SH3BP4: variants seen among roughly 807,000 people sequenced by gnomAD.
SH3BP4 encodes the protein SH3 domain-binding protein 4.
Under a neutral mutation model 65.5 loss-of-function variants are expected in SH3BP4, and 33 were observed. That is an observed-to-expected ratio of 0.50 (90% CI 0.38 to 0.67). The LOEUF (loss-of-function observed/expected upper bound fraction) is 0.67. Ranked by LOEUF, SH3BP4 falls within the 30% of genes least tolerant of loss-of-function variation. SH3BP4 has a pLI of 0.00. For synonymous variants in SH3BP4, 552 were observed against 545.5 expected (o/e 1.01, Z -0.17); for missense variants, 1,134 against 1,261.4 (o/e 0.90, Z 1.53).
intron 2 of SH3BP4, among the ~76,000 whole-genome samples, chr2:235,012,009 T>TA (rs1231683713): frequency 6.6e-6 from 1 of 152,230 alleles, no homozygotes; most frequent in Non-Finnish European, 1.5e-5. Flanking sequence ...AATAAGCTGT[T>TA]ACAATAAAGT....
In SH3BP4 at chr2:234,978,731, G is replaced by A. The variant is rs1693252863; in HGVS notation, c.-206-16572G>A. ...ACAGAGACAAGCACCCCAACAGTAGGGTGCTTCGAGGTCCTGGAGGGGAGC... is the reference window on the plus strand; with the variant it reads ...ACAGAGACAAGCACCCCAACAGTAGAGTGCTTCGAGGTCCTGGAGGGGAGC... On this transcript the variant is annotated intron_variant, in intron 1 of 5. Coordinates refer to ENST00000392011, the MANE Select transcript of SH3BP4 (RefSeq NM_014521.3). The surrounding 1 kb of genome is among the most constrained non-coding windows in gnomAD (Gnocchi z 4.1). 1 of 152,202 alleles carries A rather than the reference G, an allele frequency of 6.6e-6. No homozygotes were observed. Among genetic ancestry groups the A allele is most frequent in the African/African-American group, 2.4e-5 (1 of 41,438 alleles). The allele number at this position is 152,202 out of a possible 1,614,324, so 9.4% of individuals were successfully genotyped here.
rs559669332 is a variant in SH3BP4 at position 235,044,592 on chromosome 2, G to A, written c.2478+1345G>A. On this transcript the variant is annotated intron_variant, in intron 4 of 5. Transcript: ENST00000392011. The stretch of plus-strand genomic sequence containing the variant: ...CGCTCTTCCTCGTTCCTCTGAGCCC[G>A]CAGGCTTTCTTGCATCCTAGCTTCT... Among the ~76,000 whole-genome samples, 18 of 152,356 alleles carry A rather than the reference G, an allele frequency of 1.2e-4. No homozygotes were observed. The East Asian group carries it at 1.4e-3, about 11-fold the overall frequency.
intron 1 of SH3BP4, among the ~76,000 whole-genome samples, chr2:234,984,458 T>C (rs1322669086): frequency 6.6e-6 from 1 of 152,106 alleles, no homozygotes; most frequent in African/African-American, 2.4e-5. Context: ...ATCCCCCTGC[T>C]TTGGCTGTCC....
chr2:234,999,618 C>T (rs1022078259), intron 2 of SH3BP4, among the ~76,000 whole-genome samples: 6 of 152,196 alleles, frequency 3.9e-5, no homozygotes, highest in Non-Finnish European at 7.3e-5. Context: ...TAGCATGTTA[C>T]ATAAATCAAT....
intron 1 of SH3BP4, among the ~76,000 whole-genome samples, chr2:234,980,174 A>T (rs1693327648): frequency 1.3e-5 from 2 of 152,110 alleles, no homozygotes; most frequent in Admixed American, 6.6e-5. Flanking sequence ...TCCCCCCCTT[A>T]TCTGCAGGGG....
In SH3BP4 at chr2:235,026,017, C is replaced by A. The variant is rs1021644831; in HGVS notation, c.-132-8854C>A. The stretch of plus-strand genomic sequence containing the variant: ...GAATGTCTCCCACAGACTGTGGGGG[C>A]CTCTGAAGAGTCTGAAGTAATGGTT... On this transcript the variant is annotated intron_variant, in intron 2 of 5. Coordinates refer to ENST00000392011, the MANE Select transcript of SH3BP4 (RefSeq NM_014521.3). The surrounding 1 kb of genome is among the most constrained non-coding windows in gnomAD (Gnocchi z 4.6). 3.9e-5 allele frequency among the ~76,000 whole-genome samples: 6 copies of A among 152,136 alleles called. No individual in the cohort carries two copies. The highest frequency in any genetic ancestry group is 1.4e-4 in the African/African-American group (6 of 41,416).
chr2:235,019,503 C>G (rs1442707318), intron 2 of SH3BP4, among the ~76,000 whole-genome samples: 1 of 146,264 alleles, frequency 6.8e-6, no homozygotes, highest in Non-Finnish European at 1.5e-5. Context: ...ATGGCGCGAT[C>G]TCAGCTCACT....
chr2:235,029,358 T>C lies in SH3BP4; in HGVS notation c.-132-5513T>C, dbSNP rs990165933. On this transcript the variant is annotated intron_variant, in intron 2 of 5. Transcript: ENST00000392011. ...GGCTTTGGATCCAGGAAATTCAAGA[T>C]GCACCTTAGGTACTGAAGGGAGCGC... Among the ~76,000 whole-genome samples the C allele has an allele frequency of 6.6e-5, 10 of 152,294 alleles. 1 individual carries two copies. Among genetic ancestry groups the C allele is most frequent in the South Asian group, 4.2e-4 (2 of 4,816 alleles).
Position 234,976,575 on chromosome 2 carries a change from TA to T in SH3BP4, c.-206-18727del, listed in dbSNP as rs1328967308. 1.3e-5 allele frequency among the ~76,000 whole-genome samples: 2 copies of T among 152,008 alleles called. No individual in the cohort carries two copies. The highest frequency in any genetic ancestry group is 6.6e-5 in the Admixed American group (1 of 15,254). ...GTTTACCCGCCTCTGGTAGCGGACATAGGGGCATCTCTGAGCAGAGCAAGCA... is the reference window on the plus strand; with the variant it reads ...GTTTACCCGCCTCTGGTAGCGGACATGGGGCATCTCTGAGCAGAGCAAGCA... On this transcript the variant is annotated intron_variant, in intron 1 of 5. Coordinates refer to ENST00000392011, the MANE Select transcript of SH3BP4 (RefSeq NM_014521.3). This position sits in a 1 kb window ranked among gnomAD's most constrained non-coding sequence, Gnocchi z 4.7.
intron 1 of SH3BP4, among the ~76,000 whole-genome samples, chr2:234,961,017 C>T (rs1236854949): frequency 2.0e-5 from 3 of 152,142 alleles, no homozygotes; most frequent in Admixed American, 6.5e-5. Flanking sequence ...TGGTTCATTG[C>T]GGGGACATCA....
rs1695727016 is a variant in SH3BP4, at chr2:235,043,028, C to T, written c.2259C>T (p.Tyr753=). The change falls in exon 4 of 6, where the codon TAC becomes TAT. Residue 753 remains tyrosine, a synonymous_variant. Transcript: ENST00000392011. ...QILRPCKFLT[Y]IYASVRTLLM... ...TGCGGCCCTGCAAATTCCTCACGTA[C>T]ATCTATGCCTCCGTGAGGACCCTGC... is the stretch of plus-strand genomic sequence containing the variant. 2 of 1,610,162 alleles carry T rather than the reference C, an allele frequency of 1.2e-6. No individual in the cohort carries two copies. The highest frequency in any genetic ancestry group is 1.7e-6 in the Non-Finnish European group (2 of 1,177,102).
chr2:234,982,057 C>T (rs904616313), intron 1 of SH3BP4, among the ~76,000 whole-genome samples: 23 of 152,112 alleles, frequency 1.5e-4, no homozygotes, highest in African/African-American at 5.6e-4. Context: ...AATACAAATG[C>T]AGAATACCCG....
intron 2 of SH3BP4, among the ~76,000 whole-genome samples, chr2:235,028,142 A>G (rs1330056175): frequency 6.6e-6 from 1 of 152,172 alleles, no homozygotes; most frequent in Non-Finnish European, 1.5e-5. Flanking sequence ...GAAAAAGGAA[A>G]AACTTATCAG....
chr2:235,012,513 A>G (rs964263144), intron 2 of SH3BP4, among the ~76,000 whole-genome samples: 5 of 152,190 alleles, frequency 3.3e-5, no homozygotes, highest in Non-Finnish European at 7.3e-5. Flanking sequence ...GAGTGGGGAC[A>G]ATAACCAGCC....
chr2:235,003,644 G>A (rs539682895), intron 2 of SH3BP4, among the ~76,000 whole-genome samples: 1 of 152,316 alleles, frequency 6.6e-6, no homozygotes, highest in East Asian at 1.9e-4. Context: ...GCCTTAGTTT[G>A]CTCATCTGTA....
intron 2 of SH3BP4, among the ~76,000 whole-genome samples, chr2:235,019,426 A>G (rs908047660): frequency 6.9e-6 from 1 of 145,984 alleles, no homozygotes; most frequent in East Asian, 2.2e-4. Context: ...GACGGTGGGA[A>G]GGGCGAATTT....
At chr2:234,959,193 C>T (rs181253861) in intron 1 of SH3BP4, among the ~76,000 whole-genome samples, 1 of 152,336 alleles carries the variant, frequency 6.6e-6, no homozygotes, top group African/African-American at 2.4e-5. Context: ...GCCCAGTTCA[C>T]ACTGCCTTCT....
intron 1 of SH3BP4, among the ~76,000 whole-genome samples, chr2:234,957,640 T>C (rs1574770314): frequency 1.3e-5 from 2 of 152,046 alleles, no homozygotes; most frequent in South Asian, 2.1e-4. Flanking sequence ...CAACAATCCA[T>C]GTTCCAGGCC....
At chr2:234,985,916 G>T (rs1693540663) in intron 1 of SH3BP4, among the ~76,000 whole-genome samples, 1 of 151,812 alleles carries the variant, frequency 6.6e-6, no homozygotes, top group African/African-American at 2.4e-5. Context: ...ACACCTACGA[G>T]AACAGGGACC....
Sources: allele counts gnomAD v4.1 joint callset (sites outside exome capture counted in the v4.1 genomes callset), GRCh38; gene constraint gnomAD v4.1.1; non-coding constraint Gnocchi (gnomAD v3.1); transcripts MANE v1.5; gene names NCBI Gene and HGNC (gene_info 2026-07-23, HGNC 2026-07-21).